Variants in KIAA0825 observed in about 807,000 individuals in gnomAD.
KIAA0825 encodes KIAA0825.
Under a neutral mutation model 147.6 loss-of-function variants are expected in KIAA0825, and 119 were observed. The ratio of observed to expected loss-of-function variants is 0.81; its 90% CI spans 0.69 to 0.94. The LOEUF (loss-of-function observed/expected upper bound fraction) is 0.94. KIAA0825 is among the 40% of genes least tolerant of loss of function. The pLI is 0.00. For missense variants in KIAA0825, 1,381 were observed against 1,472.7 expected (o/e 0.94, Z 1.02); for synonymous variants, 470 against 518.1 (o/e 0.91, Z 1.26).
intron 20 of KIAA0825, among the ~76,000 whole-genome samples, chr5:94,178,914 T>C (rs1769349659): frequency 6.6e-6 from 1 of 152,088 alleles, no homozygotes; most frequent in African/African-American, 2.4e-5. Context: ...CAGATATCCT[T>C]AAGTGATTTC....
intron 20 of KIAA0825, among the ~76,000 whole-genome samples, chr5:94,367,619 G>A (rs1027977928): frequency 6.6e-6 from 1 of 152,224 alleles, no homozygotes; most frequent in African/African-American, 2.4e-5. Flanking sequence ...GTGAATGACA[G>A]GACCAGGTGA....
At chr5:94,487,566 A>G (rs1763204204) in intron 5 of KIAA0825, among the ~76,000 whole-genome samples, 1 of 152,202 alleles carries the variant, frequency 6.6e-6, no homozygotes, top group Non-Finnish European at 1.5e-5. Context: ...GCCTAAGCGT[A>G]TGTTTCTCTG....
chr5:94,565,294 T>C (rs946265466), intron 2 of KIAA0825, among the ~76,000 whole-genome samples: 6 of 151,282 alleles, frequency 4.0e-5, no homozygotes, highest in African/African-American at 1.5e-4. Context: ...CAGAATGATC[T>C]TTCTAAAACA....
chr5:94,386,150 G>A, intron 19 of KIAA0825, 92 bp downstream of exon 19: 1 of 1,143,764 alleles, frequency 8.7e-7, no homozygotes, highest in Non-Finnish European at 1.2e-6. Flanking sequence ...AGCAAAATAA[G>A]CTTATGAGTA....
At chr5:94,273,314 A>C (rs1254966207) in intron 20 of KIAA0825, among the ~76,000 whole-genome samples, 1 of 152,198 alleles carries the variant, frequency 6.6e-6, no homozygotes, top group African/African-American at 2.4e-5. Context: ...ATTTATTAAT[A>C]TTAGCTCATA....
rs1030935863 is a variant in KIAA0825 at position 94,484,908 on chromosome 5, T to A, written c.993A>T (p.Lys331Asn). 11 of 1,517,520 alleles carry A rather than the reference T, an allele frequency of 7.2e-6. No individual in the cohort carries two copies. The highest frequency in any genetic ancestry group is 9.8e-6 in the Non-Finnish European group (11 of 1,124,564). 94.0% of individuals were successfully genotyped at this position (1,517,520 alleles called of 1,614,324 possible). The change falls in exon 6 of 21, where the codon AAA becomes AAT. Residue 331 changes from lysine to asparagine, a missense_variant. By Grantham distance (94) the Lys-to-Asn change is moderately conservative. Transcript: ENST00000682413. ...CTAAAGGGAGAGAGAAGTTTCTTCC[T>A]TTCTGTGGGCATTCAGTAGTAACTG... ...HALVTTECPQKGRNFSLPLDK... is the reference protein window; with the variant it reads ...HALVTTECPQNGRNFSLPLDK...
At chr5:94,590,341 T>C (rs1434733628) in intron 1 of KIAA0825, among the ~76,000 whole-genome samples, 1 of 152,180 alleles carries the variant, frequency 6.6e-6, no homozygotes, top group African/African-American at 2.4e-5. Context: ...TTGCCTGTCT[T>C]TCTATGGTGT....
At chr5:94,224,007 T>A in intron 20 of KIAA0825, among the ~76,000 whole-genome samples, 1 of 151,934 alleles carries the variant, frequency 6.6e-6, no homozygotes, top group South Asian at 2.1e-4. Context: ...TAATTCATGG[T>A]TAATTATTCA....
chr5:94,280,191 A>G (rs764564519), intron 20 of KIAA0825, among the ~76,000 whole-genome samples: 7 of 152,164 alleles, frequency 4.6e-5, no homozygotes, highest in East Asian at 3.9e-4. Context: ...GTGAGGGATG[A>G]TTAGTGCCTG....
intron 14 of KIAA0825, 134 bp downstream of exon 14, chr5:94,439,848 G>T: frequency 2.2e-6 from 2 of 912,564 alleles, no homozygotes; most frequent in Non-Finnish European, 1.6e-6. Flanking sequence ...TTTGACTGCT[G>T]CTAACCCAGC....
chr5:94,407,173 A>G (rs1752174188), intron 15 of KIAA0825, among the ~76,000 whole-genome samples: 1 of 152,246 alleles, frequency 6.6e-6, no homozygotes, highest in Non-Finnish European at 1.5e-5. Context: ...AGACATGTAC[A>G]GGACTGTGCA....
intron 5 of KIAA0825, among the ~76,000 whole-genome samples, chr5:94,485,579 G>A (rs376138883): frequency 6.6e-6 from 1 of 151,720 alleles, no homozygotes; most frequent in East Asian, 1.9e-4. Flanking sequence ...AAATACATAA[G>A]AGTGTCTGCG....
chr5:94,200,946 C>CATATATATATAT lies in KIAA0825; in HGVS notation c.3711-46834_3711-46823dup, dbSNP rs34842887. Among the ~76,000 whole-genome samples, 642 of 103,842 alleles carry CATATATATATAT rather than the reference C, an allele frequency of 6.2e-3. 10 individuals carry two copies. The highest frequency in any genetic ancestry group is 0.011 in the Middle Eastern group (2 of 180). The allele number at this position is 103,842 out of a possible 152,430, so 68.1% of individuals were successfully genotyped here. On this transcript the variant is annotated intron_variant, in intron 20 of 20. Transcript: ENST00000682413. ...TTTCTCTAGAAATATAGAATTTAAA[C>CATATATATATAT]ATATATATATATATATATATATATA...
At chr5:94,424,114 A>G (rs1296140963) in intron 14 of KIAA0825, among the ~76,000 whole-genome samples, 1 of 152,202 alleles carries the variant, frequency 6.6e-6, no homozygotes, top group African/African-American at 2.4e-5. Flanking sequence ...ATTAGATCAT[A>G]CTTCCTGTGT....
chr5:94,607,181 T>C (rs535400096), intron 1 of KIAA0825, among the ~76,000 whole-genome samples: 2 of 152,170 alleles, frequency 1.3e-5, no homozygotes, highest in South Asian at 2.1e-4. Context: ...ATATACGAGA[T>C]CCCAAAGTAT....
intron 9 of KIAA0825, 101 bp from the exon 10 acceptor site, chr5:94,470,212 T>A: frequency 1.4e-6 from 1 of 726,352 alleles, no homozygotes; most frequent in Non-Finnish European, 2.0e-6. Context: ...TAGATATCAA[T>A]CATTCATTTC....
intron 20 of KIAA0825, among the ~76,000 whole-genome samples, chr5:94,271,118 C>A (rs1459465757): frequency 6.6e-6 from 1 of 151,980 alleles, no homozygotes; most frequent in Non-Finnish European, 1.5e-5. Context: ...ACAACAACAA[C>A]AAATCACATC....
intron 20 of KIAA0825, among the ~76,000 whole-genome samples, chr5:94,182,103 T>C (rs1258188494): frequency 6.6e-6 from 1 of 151,948 alleles, no homozygotes; most frequent in East Asian, 1.9e-4. Flanking sequence ...TCTACCATTC[T>C]TCTCCCATCC....
chr5:94,538,623 T>C (rs987800480), intron 2 of KIAA0825, among the ~76,000 whole-genome samples: 7 of 152,268 alleles, frequency 4.6e-5, no homozygotes, highest in African/African-American at 1.7e-4. Flanking sequence ...TCCACTTTCA[T>C]GCTATTGATT....
Sources: allele counts gnomAD v4.1 joint callset (sites outside exome capture counted in the v4.1 genomes callset), GRCh38; gene constraint gnomAD v4.1.1; transcripts MANE v1.5; gene names NCBI Gene and HGNC (gene_info 2026-07-23, HGNC 2026-07-21).